The following MS4A14 variants were observed in gnomAD, a reference collection of about 807,000 sequenced individuals.
MS4A14 encodes the protein membrane spanning 4-domains A14.
MS4A14 carries 18 observed loss-of-function variants against 16.7 expected under a neutral mutation model. The observed-to-expected ratio is 1.08, with a 90% CI of 0.75 to 1.60. The LOEUF is 1.60. MS4A14 is among the 40% of genes most tolerant of loss of function. The pLI, the probability that MS4A14 is intolerant of heterozygous loss-of-function variation, is 0.00. For missense variants in MS4A14, 812 were observed against 775.3 expected (o/e 1.05, Z -0.56); for synonymous variants, 305 against 289.4 (o/e 1.05, Z -0.55).
Position 60,416,560 on chromosome 11 carries a change from A to G in MS4A14, c.1592A>G (p.Lys531Arg), listed in dbSNP as rs766394933. The G allele has an allele frequency of 1.2e-6, 2 of 1,613,906 alleles. No individual in the cohort carries two copies. Among genetic ancestry groups the G allele is most frequent in the Non-Finnish European group, 1.7e-6 (2 of 1,179,944 alleles). Residue 531 changes from lysine to arginine, a missense_variant, in exon 5 of 5, where the codon AAA (lysine) becomes AGA (arginine). Transcript: ENST00000300187. ...AAAGGCTGGCAATCTCCAAAGCAGA[A>G]ATCCTTAGACCAGCAAATCAAAGAC... The part of the protein sequence containing the change: ...QSKGWQSPKQ[K>R]SLDQQIKDWL...
chr11:60,415,679 C>A lies in MS4A14; in HGVS notation c.711C>A (p.Ile237=), dbSNP rs761804117. 5 of 1,613,830 alleles carry A rather than the reference C, an allele frequency of 3.1e-6. No individual in the cohort carries two copies. In the South Asian group the frequency reaches 5.5e-5, roughly 18 times the overall value. Reference sequence around the variant, plus strand: ...TGCCAGATGAACAAAAGCAAAGTATCCTTCCATCTCCCAAATTTTCAGAGG... The same window carrying A: ...TGCCAGATGAACAAAAGCAAAGTATACTTCCATCTCCCAAATTTTCAGAGG... The part of the protein sequence containing the change: ...EFVPDEQKQS[I]LPSPKFSEEE... Residue 237 remains isoleucine (I), a synonymous_variant, in exon 5 of 5, where the codon ATC becomes ATA. Coordinates refer to ENST00000300187, the MANE Select transcript of MS4A14 (RefSeq NM_032597.5).
At chr11:60,404,334 G>C (rs1002059059) in intron 4 of MS4A14, among the ~76,000 whole-genome samples, 8 of 152,174 alleles carry the variant, frequency 5.3e-5, no homozygotes, top group South Asian at 4.1e-4. Flanking sequence ...AAAAGAGCCA[G>C]AACAGTGGGC....
At chr11:60,398,167 C>T in intron 2 of MS4A14, 187 bp downstream of exon 2, 1 of 505,710 alleles carries the variant, frequency 2.0e-6, no homozygotes, top group South Asian at 2.4e-5. Context: ...AATAACTACT[C>T]TCAGGTGCTT....
Position 60,399,055 on chromosome 11 carries a change from A to T in MS4A14, c.267+1075A>T, listed in dbSNP as rs147740310. ...TTACTGAGCACATACCGCGTCTTCA[A>T]TGGCATCCTAGGTGCTGAGACTGAG... On this transcript the variant is annotated intron_variant, in intron 2 of 4. Coordinates refer to ENST00000300187, the MANE Select transcript of MS4A14 (RefSeq NM_032597.5). 3.3e-3 allele frequency among the ~76,000 whole-genome samples: 499 copies of T among 152,360 alleles called. 3 individuals carry two copies. The highest frequency in any genetic ancestry group is 0.011 in the African/African-American group (478 of 41,582).
chr11:60,403,742 C>T (rs776266638), intron 4 of MS4A14, among the ~76,000 whole-genome samples: 2 of 152,152 alleles, frequency 1.3e-5, no homozygotes, highest in Non-Finnish European at 2.9e-5. Context: ...CTCTCTAGTT[C>T]CCTAAGCAAG....
Position 60,416,122 on chromosome 11 carries a change from T to C in MS4A14, c.1154T>C (p.Met385Thr), listed in dbSNP as rs761288448. 1 of 1,610,066 alleles carries C rather than the reference T, an allele frequency of 6.2e-7. No individual in the cohort carries two copies. The highest frequency in any genetic ancestry group is 1.1e-5 in the South Asian group (1 of 90,640). The change falls in exon 5 of 5, where the codon ATG (methionine) becomes ACG (threonine). Residue 385 changes from methionine (M) to threonine (T), a missense_variant. By Grantham distance (81) the Met-to-Thr change is moderately conservative (BLOSUM62 -1). Transcript: ENST00000300187. ...TCCCAAGATATGCAATCCCTAGATATGCTATCTCAAGACACACCATCCCAC... is the reference window on the plus strand; with the variant it reads ...TCCCAAGATATGCAATCCCTAGATACGCTATCTCAAGACACACCATCCCAC... The part of the protein sequence containing the change: ...MTSQDMQSLD[M>T]LSQDTPSHAM...
chr11:60,416,758 C>G lies in MS4A14; in HGVS notation c.1790C>G (p.Ser597Ter). 1.2e-6 allele frequency: 2 copies of G among 1,613,386 alleles called. No homozygotes were observed. The highest frequency in any genetic ancestry group is 1.7e-6 in the Non-Finnish European group (2 of 1,179,732). The change falls in exon 5 of 5, where the codon TCA (serine) becomes TGA (stop). Residue 597 changes from serine to a stop codon, truncating the protein, a stop_gained. Coordinates refer to ENST00000300187, the MANE Select transcript of MS4A14 (RefSeq NM_032597.5). LOFTEE classifies it low-confidence loss of function (END_TRUNC). The part of the protein sequence containing the change: ...KDQQTDKEQN[S>*]KKQTQDQQTE... ...CAGCAGACTGATAAGGAGCAAAACTCAAAGAAGCAAACCCAGGATCAGCAA... is the reference window on the plus strand; with the variant it reads ...CAGCAGACTGATAAGGAGCAAAACTGAAAGAAGCAAACCCAGGATCAGCAA...
intron 3 of MS4A14, among the ~76,000 whole-genome samples, chr11:60,402,324 C>T (rs2085726893): frequency 6.6e-6 from 1 of 152,132 alleles, no homozygotes; most frequent in Non-Finnish European, 1.5e-5. Flanking sequence ...TTGATTATTG[C>T]TTGAATTCTC....
At chr11:60,398,563 T>C (rs533694982) in intron 2 of MS4A14, among the ~76,000 whole-genome samples, 7 of 152,214 alleles carry the variant, frequency 4.6e-5, no homozygotes, top group Non-Finnish European at 1.0e-4. Context: ...CTTCTCCTAC[T>C]ATAACATACA....
Position 60,416,125 on chromosome 11 carries a change from T to C in MS4A14, c.1157T>C (p.Leu386Pro). ...TSQDMQSLDMLSQDTPSHAMP... is the reference protein window; with the variant it reads ...TSQDMQSLDMPSQDTPSHAMP... ...CAAGATATGCAATCCCTAGATATGC[T>C]ATCTCAAGACACACCATCCCACGCC... Residue 386 changes from leucine (L) to proline (P), a missense_variant, in exon 5 of 5, where the codon CTA becomes CCA. Coordinates refer to ENST00000300187, the MANE Select transcript of MS4A14 (RefSeq NM_032597.5). The C allele has an allele frequency of 6.2e-6, 10 of 1,610,280 alleles. No individual in the cohort carries two copies. The highest frequency in any genetic ancestry group is 8.5e-6 in the Non-Finnish European group (10 of 1,178,214).
At chr11:60,397,029 G>T (rs2085635191) in intron 1 of MS4A14, among the ~76,000 whole-genome samples, 1 of 152,166 alleles carries the variant, frequency 6.6e-6, no homozygotes, top group South Asian at 2.1e-4. Flanking sequence ...AATTGGGAGT[G>T]CTTCAAAACC....
chr11:60,408,077 T>TAG (rs146477479), intron 4 of MS4A14, among the ~76,000 whole-genome samples: 1,610 of 152,312 alleles, frequency 0.011, 75 homozygotes, highest in Admixed American at 0.08. Context: ...AGGGTAAGGT[T>TAG]AGAAGTTAAT....
chr11:60,416,467 G>C lies in MS4A14; in HGVS notation c.1499G>C (p.Arg500Thr), dbSNP rs752473471. The C allele has an allele frequency of 2.9e-5, 46 of 1,613,810 alleles. No homozygotes were observed. The highest frequency in any genetic ancestry group is 3.7e-5 in the Non-Finnish European group (44 of 1,179,964). Residue 500 changes from arginine (R) to threonine (T), a missense_variant, in exon 5 of 5, where the codon AGA (arginine) becomes ACA (threonine). Arg to Thr is a moderately conservative substitution (Grantham distance 71). Coordinates refer to ENST00000300187, the MANE Select transcript of MS4A14 (RefSeq NM_032597.5). Reference sequence around the variant, plus strand: ...ACCAAAGCCTTGCAATACTTAAGGAGACATTCTTTAGACGTGCAAGCCAAA... The same window carrying C: ...ACCAAAGCCTTGCAATACTTAAGGACACATTCTTTAGACGTGCAAGCCAAA... ...QQTKALQYLR[R>T]HSLDVQAKGQ... is the part of the protein sequence containing the mutation.
chr11:60,417,012 A>C lies in MS4A14; in HGVS notation c.*4A>C. The C allele has an allele frequency of 6.3e-7, 1 of 1,599,240 alleles. No individual in the cohort carries two copies. The highest frequency in any genetic ancestry group is 8.5e-7 in the Non-Finnish European group (1 of 1,173,764). On this transcript the variant is annotated 3_prime_UTR_variant, in exon 5 of 5. Transcript: ENST00000300187. ...CAAGAATCCCCTGACTGGATAACTC[A>C]GGGCTGGAGAAACAAAGATTATAAA...
chr11:60,412,695 T>C (rs899955329), intron 4 of MS4A14, among the ~76,000 whole-genome samples: 1 of 151,974 alleles, frequency 6.6e-6, no homozygotes, highest in African/African-American at 2.4e-5. Context: ...GTTCATTGAT[T>C]TTCTCTATTG....
chr11:60,414,827 C>T (rs187226450), intron 4 of MS4A14, among the ~76,000 whole-genome samples: 2 of 152,202 alleles, frequency 1.3e-5, no homozygotes, highest in African/African-American at 4.8e-5. Context: ...TGTCTTATTT[C>T]ATCTTACCGT....
At chr11:60,402,498 A>C (rs1389458010) in intron 3 of MS4A14, among the ~76,000 whole-genome samples, 1 of 152,216 alleles carries the variant, frequency 6.6e-6, no homozygotes, top group Non-Finnish European at 1.5e-5. Context: ...TGACACATTC[A>C]CATTTTTAAA....
chr11:60,409,549 A>G (rs1475875660), intron 4 of MS4A14, among the ~76,000 whole-genome samples: 3 of 149,438 alleles, frequency 2.0e-5, no homozygotes, highest in Non-Finnish European at 3.0e-5. Context: ...GTGTGTGTAC[A>G]TTATATATAT....
At chr11:60,408,037 T>G (rs2085813141) in intron 4 of MS4A14, among the ~76,000 whole-genome samples, 1 of 152,210 alleles carries the variant, frequency 6.6e-6, no homozygotes, top group Non-Finnish European at 1.5e-5. Flanking sequence ...TTTAGATGTA[T>G]GGTCTATCTT....
Sources: gnomAD v4.1 joint callset for allele counts (sites outside exome capture counted in the v4.1 genomes callset) on GRCh38, gnomAD v4.1.1 for gene constraint, MANE v1.5 for transcripts, NCBI Gene and HGNC (gene_info 2026-07-23, HGNC 2026-07-21) for gene names.